Variants in RC3H1 observed in about 807,000 individuals in gnomAD.
RC3H1 encodes the protein ring finger and CCCH-type domains 1, also known as roquin-1.
Under a neutral mutation model 138.2 loss-of-function variants are expected in RC3H1, and 50 were observed. The ratio of observed to expected loss-of-function variants is 0.36; its 90% CI spans 0.29 to 0.46. The LOEUF is 0.46. Among genes scored for constraint, RC3H1 ranks in the 20% least tolerant of loss-of-function variants. RC3H1 has a pLI of 1.00. For missense variants in RC3H1, 1,031 were observed against 1,388.1 expected (o/e 0.74, Z 4.09); for synonymous variants, 462 against 489.1 (o/e 0.94, Z 0.73).
intron 6 of RC3H1, 58 bp downstream of exon 6, chr1:173,980,751 A>G: frequency 7.4e-7 from 1 of 1,345,806 alleles, no homozygotes; most frequent in Non-Finnish European, 1.1e-6. Context: ...ACATTTGTTA[A>G]ATGAATTACC....
In RC3H1 at chr1:173,937,191, A is replaced by G. The variant is rs1572105352; in HGVS notation, c.*1530T>C. On this transcript the variant is annotated 3_prime_UTR_variant, in exon 20 of 20. Coordinates refer to ENST00000367696, the MANE Select transcript of RC3H1 (RefSeq NM_172071.4). ...GGACTGTATTACCCTTCCCACCCCC[A>G]CCACCCATTTGTTTAAGTTAACAGT... The G allele has an allele frequency of 6.7e-6, 1 of 149,452 alleles. No homozygotes were observed. The highest frequency in any genetic ancestry group is 6.7e-5 in the Admixed American group (1 of 14,854). 9.3% of individuals were successfully genotyped at this position (149,452 alleles called of 1,614,324 possible).
Position 173,961,188 on chromosome 1 carries a change from T to C in RC3H1, c.2259A>G (p.Glu753=). The part of the protein sequence containing the change: ...PPPQPHPSLD[E]LHRRRKEIMA... ...TTATTTCCTTTCGTCGGCGATGTAG[T>C]TCATCTAGACTAGGATGAGGCTGGG... Residue 753 remains glutamate, a synonymous_variant, in exon 13 of 20, where the codon GAA becomes GAG. Coordinates refer to ENST00000367696, the MANE Select transcript of RC3H1 (RefSeq NM_172071.4). 3.1e-6 allele frequency: 5 copies of C among 1,614,166 alleles called. No homozygotes were observed. The highest frequency in any genetic ancestry group is 4.2e-6 in the Non-Finnish European group (5 of 1,180,000).
At chr1:173,939,242 G>T (rs1658726696) in intron 19 of RC3H1, among the ~76,000 whole-genome samples, 1 of 152,030 alleles carries the variant, frequency 6.6e-6, no homozygotes, top group African/African-American at 2.4e-5. Flanking sequence ...TGATTTAGCA[G>T]GTTTGCTACT....
At chr1:174,016,242 T>C (rs1465869967) in intron 1 of RC3H1, 1 of 152,120 alleles carries the variant, frequency 6.6e-6, no homozygotes, top group Non-Finnish European at 1.5e-5. Flanking sequence ...ATTAATTGAG[T>C]ACATTAGCTT....
chr1:173,946,051 C>T lies in RC3H1; in HGVS notation c.2961+425G>A, dbSNP rs186872974. 3.7e-3 allele frequency among the ~76,000 whole-genome samples: 565 copies of T among 151,918 alleles called. 1 individual carries two copies. The highest frequency in any genetic ancestry group is 4.3e-3 in the Non-Finnish European group (292 of 67,942). On this transcript the variant is annotated intron_variant, in intron 17 of 19. Transcript: ENST00000367696. ...GAGTATGGTGGTGTACATCTATAAC[C>T]CCAACCACTCAGGAGGCTGAGGCAG...
intron 17 of RC3H1, among the ~76,000 whole-genome samples, chr1:173,944,568 AAAAC>A (rs760642610): frequency 4.2e-4 from 64 of 152,186 alleles, no homozygotes; most frequent in African/African-American, 6.3e-4. Context: ...TAAAGTATAT[AAAAC>A]AAACAAACAA....
Position 173,961,947 on chromosome 1 carries a change from C to T in RC3H1, c.1980G>A (p.Gln660=), listed in dbSNP as rs1659902027. ...GAGATGGGTATATAGGTGGGTACTG[C>T]TGTGGCTGTGTGCCATACTGAGAGT... ...VVNSQYGTQP[Q]QYPPIYPSHY... is the part of the protein sequence containing the mutation. The change falls in exon 12 of 20, where the codon CAG becomes CAA. Residue 660 remains glutamine (Q), a synonymous_variant. Coordinates refer to ENST00000367696, the MANE Select transcript of RC3H1 (RefSeq NM_172071.4). 6.2e-7 allele frequency: 1 copy of T among 1,614,074 alleles called. No homozygotes were observed. The highest frequency in any genetic ancestry group is 1.3e-5 in the African/African-American group (1 of 75,010).
chr1:173,989,916 C>T (rs1366874248), intron 2 of RC3H1, among the ~76,000 whole-genome samples: 6 of 149,146 alleles, frequency 4.0e-5, no homozygotes, highest in Non-Finnish European at 8.9e-5. Flanking sequence ...TTAGTAGAGA[C>T]GGGGTTTCAC....
rs1660415993 is a variant in RC3H1 at position 173,972,694 on chromosome 1, T to C, written c.1103-67A>G. On this transcript the variant is annotated intron_variant, in intron 7 of 19. Transcript: ENST00000367696. The stretch of plus-strand genomic sequence containing the variant: ...AAAATTTTCCCTAATATCAAATTAA[T>C]AAAAGAGTTACTTGAAAACATTTCA... 3 of 1,014,848 alleles carry C rather than the reference T, an allele frequency of 3.0e-6. No individual in the cohort carries two copies. In the African/African-American group the frequency reaches 4.7e-5, roughly 16 times the overall value. The allele number at this position is 1,014,848 out of a possible 1,614,324, so 62.9% of individuals were successfully genotyped here. A position where few individuals can be genotyped will look rare whatever the true frequency, so the allele number is the denominator to read the frequency against.
intron 1 of RC3H1, among the ~76,000 whole-genome samples, chr1:174,018,926 G>A (rs1661910912): frequency 6.6e-6 from 1 of 152,126 alleles, no homozygotes; most frequent in Non-Finnish European, 1.5e-5. Flanking sequence ...CAAGCCCTAA[G>A]ATCTGGAGAT....
Position 173,937,902 on chromosome 1 carries a change from TAC to T in RC3H1, c.*817_*818del, listed in dbSNP as rs1242147320. 4 of 152,222 alleles carry T rather than the reference TAC, an allele frequency of 2.6e-5. No homozygotes were observed. Among genetic ancestry groups the T allele is most frequent in the Non-Finnish European group, 5.9e-5 (4 of 68,028 alleles). The allele number at this position is 152,222 out of a possible 1,614,324, so 9.4% of individuals were successfully genotyped here. On this transcript the variant is annotated 3_prime_UTR_variant, in exon 20 of 20. Coordinates refer to ENST00000367696, the MANE Select transcript of RC3H1 (RefSeq NM_172071.4). ...ACATGTATTTTCAGTGCTAGTAAGT[TAC>T]AGTTAATTCTTGATCAACATTTAAA...
intron 1 of RC3H1, among the ~76,000 whole-genome samples, chr1:174,012,828 A>C (rs1407140615): frequency 6.6e-6 from 1 of 151,766 alleles, no homozygotes; most frequent in Non-Finnish European, 1.5e-5. Context: ...AACTAGAATA[A>C]GGAGATCTAG....
chr1:173,964,305 C>T, intron 10 of RC3H1, 118 bp from the exon 11 acceptor site: 1 of 789,278 alleles, frequency 1.3e-6, no homozygotes, highest in Non-Finnish European at 2.0e-6. Context: ...GTCCTCCCTT[C>T]TACAAAATTT....
At chr1:173,958,684 T>C (rs896527730) in intron 13 of RC3H1, among the ~76,000 whole-genome samples, 4 of 151,930 alleles carry the variant, frequency 2.6e-5, no homozygotes, top group Non-Finnish European at 5.9e-5. Context: ...ATTAAGATAA[T>C]AAGACAACAC....
At position 173,965,018 on chromosome 1, in the gene RC3H1, A is replaced by G. The variant is rs1660048656; in HGVS notation, c.1437T>C (p.Asp479=). 4 of 1,613,994 alleles carry G rather than the reference A, an allele frequency of 2.5e-6. No individual in the cohort carries two copies. In the South Asian group the frequency reaches 4.4e-5, roughly 18 times the overall value. Residue 479 remains aspartate (D), a synonymous_variant, in exon 10 of 20, where the codon GAT becomes GAC. Coordinates refer to ENST00000367696, the MANE Select transcript of RC3H1 (RefSeq NM_172071.4). ...VGLPSAAILP[D]EGAVDLPSRK... Reference sequence around the variant, plus strand: ...TGCTAGGGAGATCCACTGCACCTTCATCTGGAAGGATAGCTGCTGAAGGCA... The same window carrying G: ...TGCTAGGGAGATCCACTGCACCTTCGTCTGGAAGGATAGCTGCTGAAGGCA...
intron 2 of RC3H1, among the ~76,000 whole-genome samples, chr1:173,986,394 C>A (rs940727049): frequency 1.1e-4 from 16 of 152,314 alleles, no homozygotes; most frequent in African/African-American, 3.8e-4. Context: ...CTCTGTCACT[C>A]AGGCTGGAGT....
intron 14 of RC3H1, among the ~76,000 whole-genome samples, chr1:173,948,734 C>T (rs1162862188): frequency 3.3e-5 from 5 of 151,778 alleles, no homozygotes. Flanking sequence ...GACCGGCGTG[C>T]ACCACCACAC....
chr1:174,014,170 T>C (rs950212713), intron 1 of RC3H1, among the ~76,000 whole-genome samples: 2 of 152,196 alleles, frequency 1.3e-5, no homozygotes, highest in African/African-American at 4.8e-5. Context: ...GCAAAACCCA[T>C]AGAACTGTCC....
intron 2 of RC3H1, 106 bp from the exon 3 acceptor site, chr1:173,984,725 C>G: frequency 9.0e-7 from 1 of 1,109,738 alleles, no homozygotes. Flanking sequence ...TCAAAACGCC[C>G]ACTAAATTTA....
Sources: allele counts gnomAD v4.1 joint callset (sites outside exome capture counted in the v4.1 genomes callset), GRCh38; gene constraint gnomAD v4.1.1; transcripts MANE v1.5; gene names NCBI Gene and HGNC (gene_info 2026-07-23, HGNC 2026-07-21).